TNFRSF19: variants seen among roughly 807,000 people sequenced by gnomAD.
TNFRSF19 encodes the protein TNF receptor superfamily member 19.
In TNFRSF19, 27 loss-of-function variants were observed where a neutral mutation model predicts 46.4. The observed-to-expected ratio is 0.58, with a 90% CI of 0.43 to 0.80. The LOEUF (loss-of-function observed/expected upper bound fraction) is 0.80, where lower values mean the gene tolerates loss of function less well. Among genes scored for constraint, TNFRSF19 ranks in the 30% least tolerant of loss-of-function variants. The probability of loss-of-function intolerance (pLI) is 0.00; values close to 1 mark genes in which losing one functional copy is unlikely to be tolerated. For missense variants in TNFRSF19, 511 were observed against 530.8 expected, an observed-to-expected ratio of 0.96 and a Z score of 0.37; for synonymous variants, 204 against 205.0, an observed-to-expected ratio of 1.00 and a Z score of 0.04.
At chr13:23,656,788 T>G (rs762920142) in intron 5 of TNFRSF19, among the ~76,000 whole-genome samples, 2 of 152,140 alleles carry the variant, frequency 1.3e-5, no homozygotes, top group Non-Finnish European at 2.9e-5. Flanking sequence ...TGCTTTCATT[T>G]CCAAGTCACT....
rs1333978661 is a variant in TNFRSF19, at chr13:23,602,308, T to G, written c.180+8853T>G. Among the ~76,000 whole-genome samples, 10 of 152,148 alleles carry G rather than the reference T, an allele frequency of 6.6e-5. 1 individual carries two copies. On this transcript the variant is annotated intron_variant, in intron 3 of 9. Transcript: ENST00000248484. ...TATAATCATAAGGGAGCTAATTGTC[T>G]AAGAAATTATAATAATCTTTAATGG...
chr13:23,580,948 G>A (rs1386117137), intron 1 of TNFRSF19, among the ~76,000 whole-genome samples: 1 of 152,184 alleles, frequency 6.6e-6, no homozygotes, highest in Non-Finnish European at 1.5e-5. Flanking sequence ...TCCATAGTAA[G>A]TGCTAACTCT....
intron 5 of TNFRSF19, among the ~76,000 whole-genome samples, chr13:23,650,284 C>T (rs570531778): frequency 1.3e-4 from 20 of 152,330 alleles, no homozygotes; most frequent in Non-Finnish European, 2.6e-4. Flanking sequence ...GTGGAATAAT[C>T]TTGTACATGA....
At chr13:23,617,403 A>G (rs1454380851) in intron 4 of TNFRSF19, among the ~76,000 whole-genome samples, 1 of 152,186 alleles carries the variant, frequency 6.6e-6, no homozygotes, top group East Asian at 1.9e-4. Flanking sequence ...GACTGCTTCT[A>G]AGTAACTGTG....
At chr13:23,638,545 A>G (rs1013906067) in intron 5 of TNFRSF19, among the ~76,000 whole-genome samples, 1 of 152,158 alleles carries the variant, frequency 6.6e-6, no homozygotes, top group African/African-American at 2.4e-5. Flanking sequence ...GGCCTAGTCC[A>G]TCCTGGTGGG....
At chr13:23,624,195 A>G (rs1019454158) in intron 4 of TNFRSF19, among the ~76,000 whole-genome samples, 3 of 152,134 alleles carry the variant, frequency 2.0e-5, no homozygotes, top group African/African-American at 4.8e-5. Context: ...GACCATATAC[A>G]TGACGGTTTA....
intron 9 of TNFRSF19, chr13:23,669,310 C>CA: frequency 7.2e-7 from 1 of 1,383,798 alleles, no homozygotes; most frequent in East Asian, 2.7e-5. Flanking sequence ...TGGACAGCTG[C>CA]ATTCTTTTAT....
chr13:23,591,728 C>CTTTTT (rs1238199379), intron 2 of TNFRSF19, among the ~76,000 whole-genome samples: 3 of 103,640 alleles, frequency 2.9e-5, no homozygotes, highest in Non-Finnish European at 4.3e-5. Context: ...TTCTTTCTTT[C>CTTTTT]TTTTTTTTTT....
intron 5 of TNFRSF19, among the ~76,000 whole-genome samples, chr13:23,656,687 A>G (rs1165993723): frequency 6.6e-6 from 1 of 152,202 alleles, no homozygotes; most frequent in Non-Finnish European, 1.5e-5. Flanking sequence ...AATTTAAGCT[A>G]AGGAGACTCT....
intron 1 of TNFRSF19, among the ~76,000 whole-genome samples, chr13:23,580,941 A>G (rs1281201838): frequency 6.6e-6 from 1 of 152,192 alleles, no homozygotes; most frequent in Non-Finnish European, 1.5e-5. Flanking sequence ...ACTTTTTTCC[A>G]TAGTAAGTGC....
intron 1 of TNFRSF19, among the ~76,000 whole-genome samples, chr13:23,587,127 A>G (rs1878903155): frequency 6.6e-6 from 1 of 152,024 alleles, no homozygotes; most frequent in South Asian, 2.1e-4. Context: ...AGAACACTGA[A>G]GCATATAAAA....
intron 2 of TNFRSF19, among the ~76,000 whole-genome samples, chr13:23,591,694 T>C (rs536903406): frequency 6.9e-6 from 1 of 145,734 alleles, no homozygotes; most frequent in Non-Finnish European, 1.5e-5. Context: ...GAGGCAAGAA[T>C]CTTTATAGCC....
intron 1 of TNFRSF19, among the ~76,000 whole-genome samples, chr13:23,573,049 A>T (rs899271039): frequency 6.6e-6 from 1 of 152,180 alleles, no homozygotes; most frequent in Non-Finnish European, 1.5e-5. Context: ...CAGAATTGGA[A>T]TTTTTATGGC....
chr13:23,664,877 T>C (rs1263648970), intron 7 of TNFRSF19, among the ~76,000 whole-genome samples: 3 of 152,354 alleles, frequency 2.0e-5, no homozygotes, highest in African/African-American at 7.2e-5. Context: ...TAAGTACTTG[T>C]GGATCTAAAC....
intron 3 of TNFRSF19, among the ~76,000 whole-genome samples, chr13:23,615,343 T>C (rs1881198873): frequency 6.6e-6 from 1 of 152,232 alleles, no homozygotes. Flanking sequence ...TAAGACTCTT[T>C]CTACTCTCAG....
intron 8 of TNFRSF19, among the ~76,000 whole-genome samples, 175 bp downstream of exon 8, chr13:23,668,257 A>T (rs554306247): frequency 1.3e-5 from 2 of 152,318 alleles, no homozygotes; most frequent in South Asian, 2.1e-4. Context: ...TCTCAAGGTC[A>T]CTCATATCCA....
intron 5 of TNFRSF19, among the ~76,000 whole-genome samples, chr13:23,651,840 C>CTTTTTTTTT (rs71070609): frequency 1.1e-4 from 4 of 35,986 alleles, no homozygotes; most frequent in Non-Finnish European, 1.4e-4. Context: ...ACACTATAGT[C>CTTTTTTTTT]TTTTTTTTTT....
chr13:23,605,616 A>G (rs1880459843), intron 3 of TNFRSF19, among the ~76,000 whole-genome samples: 1 of 152,178 alleles, frequency 6.6e-6, no homozygotes, highest in African/African-American at 2.4e-5. Context: ...ACAATGGAAT[A>G]TTACTCTGCA....
At chr13:23,630,300 C>CT (rs923363030) in intron 5 of TNFRSF19, among the ~76,000 whole-genome samples, 2 of 72,094 alleles carry the variant, frequency 2.8e-5, no homozygotes, top group Non-Finnish European at 5.5e-5. Context: ...AAGACCCTGT[C>CT]TTAAAAAAAA....
Sources: gnomAD v4.1 joint callset for allele counts (sites outside exome capture counted in the v4.1 genomes callset) on GRCh38, gnomAD v4.1.1 for gene constraint, MANE v1.5 for transcripts, NCBI Gene and HGNC (gene_info 2026-07-23, HGNC 2026-07-21) for gene names.